SYNJ2: variants seen among roughly 807,000 people sequenced by gnomAD.
The protein encoded by SYNJ2 is synaptojanin 2, also known as polyphosphatidylinositol phosphatase SYNJ2.
In SYNJ2, 116 loss-of-function variants were observed where a neutral mutation model predicts 141.3. That is an observed-to-expected ratio of 0.82 (90% CI 0.71 to 0.96). SYNJ2 has a LOEUF of 0.96. Among genes scored for constraint, SYNJ2 ranks in the 40% least tolerant of loss-of-function variants. SYNJ2 has a pLI of 0.00. For missense variants in SYNJ2, 1,873 were observed against 1,934.8 expected, an observed-to-expected ratio of 0.97 and a Z score of 0.60; for synonymous variants, 745 against 777.7, an observed-to-expected ratio of 0.96 and a Z score of 0.70.
Position 158,017,305 on chromosome 6 carries a change from G to T in SYNJ2, c.214+15G>T. 6.2e-7 allele frequency: 1 copy of T among 1,606,456 alleles called. No individual in the cohort carries two copies. Among genetic ancestry groups the T allele is most frequent in the Non-Finnish European group, 8.5e-7 (1 of 1,177,130 alleles). On this transcript the variant is annotated intron_variant, in intron 2 of 26. Transcript: ENST00000355585. The stretch of plus-strand genomic sequence containing the variant: ...GCTGAAATCTGGTGAGTAGCCGCTC[G>T]CTGGAGGAGCAGGCGCCAGGCTCCC...
chr6:158,088,879 C>A lies in SYNJ2; in HGVS notation c.3456+107C>A. The A allele has an allele frequency of 3.8e-6, 3 of 780,874 alleles. 1 individual carries two copies. In the South Asian group the frequency reaches 4.9e-5, roughly 13 times the overall value. The allele number at this position is 780,874 out of a possible 1,614,324, so 48.4% of individuals were successfully genotyped here. On this transcript the variant is annotated intron_variant, in intron 24 of 26. Coordinates refer to ENST00000355585, the MANE Select transcript of SYNJ2 (RefSeq NM_003898.4). ...GATTTATGTGTCTTTAACCCTCTAC[C>A]TGCTCACCATCTCATCTCCAAACCC...
At chr6:158,036,784 T>G (rs538965064) in intron 4 of SYNJ2, among the ~76,000 whole-genome samples, 1 of 152,320 alleles carries the variant, frequency 6.6e-6, no homozygotes, top group African/African-American at 2.4e-5. Context: ...AAATAAAAGT[T>G]AAATTTTGAA....
Position 158,095,886 on chromosome 6 carries a change from A to G in SYNJ2, c.4013A>G (p.Lys1338Arg), listed in dbSNP as rs1190703178. The G allele has an allele frequency of 6.2e-7, 1 of 1,614,148 alleles. No individual in the cohort carries two copies. Among genetic ancestry groups the G allele is most frequent in the East Asian group, 2.2e-5 (1 of 44,876 alleles). ...CCCAAGGTACCCCCGAGGAGGAAGA[A>G]GTCAGCCCCCGCAGCCTTCCACCTG... Reference protein sequence around the residue: ...LVPKVPPRRKKSAPAAFHLQV... With the variant: ...LVPKVPPRRKRSAPAAFHLQV... The change falls in exon 27 of 27, where the codon AAG (lysine) becomes AGG (arginine). Residue 1338 changes from lysine to arginine, a missense_variant. Transcript: ENST00000355585.
chr6:158,062,188 C>T lies in SYNJ2; in HGVS notation c.1127+24C>T, dbSNP rs370393074. On this transcript the variant is annotated intron_variant, in intron 8 of 26. Coordinates refer to ENST00000355585, the MANE Select transcript of SYNJ2 (RefSeq NM_003898.4). ...CGGTGAGGCTCGCTGCGCACTGTGC[C>T]GCGTCTTCTGCTGGGGGGAAGCGTC... 67 of 1,603,914 alleles carry T rather than the reference C, an allele frequency of 4.2e-5. No homozygotes were observed. In the Admixed American group the frequency reaches 4.7e-4, roughly 11 times the overall value.
intron 5 of SYNJ2, among the ~76,000 whole-genome samples, chr6:158,047,468 G>A (rs1780301887): frequency 6.6e-6 from 1 of 152,056 alleles, no homozygotes. Flanking sequence ...GTTCTAGAGA[G>A]GATTAAAGAG....
chr6:158,068,861 G>A, intron 13 of SYNJ2, 133 bp downstream of exon 13: 2 of 902,888 alleles, frequency 2.2e-6, no homozygotes, highest in Non-Finnish European at 3.5e-6. Context: ...GCTGTGTGGG[G>A]ATCTCTCACC....
At position 158,065,170 on chromosome 6, in the gene SYNJ2, C is replaced by G. The variant is rs56959644; in HGVS notation, c.1525+179C>G. Among the ~76,000 whole-genome samples the G allele has an allele frequency of 1.3e-3, 204 of 152,326 alleles. 5 individuals carry two copies. The East Asian group carries it at 0.033, about 25-fold the overall frequency. On this transcript the variant is annotated intron_variant, in intron 11 of 26. Coordinates refer to ENST00000355585, the MANE Select transcript of SYNJ2 (RefSeq NM_003898.4). Reference sequence around the variant, plus strand: ...GGGAGCCTGCGCTTTCCTGCTGGGCCTGGGAGCTCACGCTTCCTCTGTCTC... The same window carrying G: ...GGGAGCCTGCGCTTTCCTGCTGGGCGTGGGAGCTCACGCTTCCTCTGTCTC...
intron 1 of SYNJ2, among the ~76,000 whole-genome samples, chr6:158,009,101 C>T (rs771144957): frequency 1.6e-4 from 24 of 152,208 alleles, no homozygotes; most frequent in African/African-American, 3.9e-4. Flanking sequence ...CCTTCAGGTC[C>T]GCATTCAGAT....
intron 1 of SYNJ2, among the ~76,000 whole-genome samples, chr6:157,996,807 A>G (rs776919986): frequency 1.3e-5 from 2 of 152,138 alleles, no homozygotes; most frequent in African/African-American, 2.4e-5. Flanking sequence ...TAAGTTGCCT[A>G]TTCCCACTTT....
intron 3 of SYNJ2, among the ~76,000 whole-genome samples, chr6:158,031,619 C>CAT (rs1373947737): frequency 8.1e-6 from 1 of 123,840 alleles, no homozygotes; most frequent in African/African-American, 3.3e-5. Flanking sequence ...TGTGGCGCAG[C>CAT]GTGAGGTCTG....
At chr6:158,063,934 G>A in intron 9 of SYNJ2, 62 bp downstream of exon 9, 1 of 1,565,898 alleles carries the variant, frequency 6.4e-7, no homozygotes, top group Non-Finnish European at 8.8e-7. Flanking sequence ...CAGCTGGACA[G>A]GCTGGGCTGA....
rs760105348 is a variant in SYNJ2, at chr6:158,066,638, G to A, written c.1717+3G>A. The A allele has an allele frequency of 5.0e-5, 80 of 1,612,852 alleles. No homozygotes were observed. Among genetic ancestry groups the A allele is most frequent in the Non-Finnish European group, 6.6e-5 (78 of 1,179,922 alleles). On this transcript the variant is annotated splice_donor_region_variant and intron_variant, in intron 12 of 26. Coordinates refer to ENST00000355585, the MANE Select transcript of SYNJ2 (RefSeq NM_003898.4). ...CTCGGGAGCTACCGACTCCCAGGGT[G>A]AGGGCAGTGACTTTGGGGGAGACAA...
chr6:158,026,930 C>G (rs1344444869), intron 2 of SYNJ2: 1 of 985,276 alleles, frequency 1.0e-6, no homozygotes, highest in East Asian at 1.1e-4. Flanking sequence ...GAACTCTGAC[C>G]CCTGTCCCTG....
At chr6:158,091,689 G>A (rs1177382947) in intron 25 of SYNJ2, among the ~76,000 whole-genome samples, 1 of 150,988 alleles carries the variant, frequency 6.6e-6, no homozygotes, top group Admixed American at 6.6e-5. Flanking sequence ...GGCAGAGGTT[G>A]CAGTGAGCCA....
In SYNJ2 at chr6:158,095,976, C is replaced by G. The variant is rs750264504; in HGVS notation, c.4103C>G (p.Ser1368Cys). 8 of 1,614,084 alleles carry G rather than the reference C, an allele frequency of 5.0e-6. No homozygotes were observed. The South Asian group carries it at 8.8e-5, about 18-fold the overall frequency. ...ACTTACAATAGCAGTGACAGCCCCT[C>G]TGGGCACCCACCTGCCGCGGGCACC... ...GLTYNSSDSP[S>C]GHPPAAGTVF... The change falls in exon 27 of 27, where the codon TCT becomes TGT. Residue 1368 changes from serine to cysteine, a missense_variant. Ser to Cys is a moderately radical substitution (Grantham distance 112). Transcript: ENST00000355585.
chr6:158,068,549 G>C, intron 12 of SYNJ2, 98 bp from the exon 13 acceptor site: 1 of 1,337,730 alleles, frequency 7.5e-7, no homozygotes, highest in Admixed American at 1.8e-5. Context: ...TCAGGCAGTG[G>C]ACAGCATGAC....
intron 2 of SYNJ2, chr6:158,026,858 T>C: frequency 1.0e-6 from 1 of 985,450 alleles, no homozygotes; most frequent in Non-Finnish European, 1.2e-6. Context: ...GAGCGCTCTG[T>C]GGCCAAGGCT....
rs1783907202 is a variant in SYNJ2, at chr6:158,098,641, T to C, written c.*2277T>C. ...CAGCAGCAGGGTTGATTAAATAATCTTGACAATGAGCAGCTGCCATCTTGG... is the reference window on the plus strand; with the variant it reads ...CAGCAGCAGGGTTGATTAAATAATCCTGACAATGAGCAGCTGCCATCTTGG... On this transcript the variant is annotated 3_prime_UTR_variant, in exon 27 of 27. Transcript: ENST00000355585. The C allele has an allele frequency of 6.6e-6, 1 of 152,230 alleles. No individual in the cohort carries two copies. 9.4% of individuals were successfully genotyped at this position (152,230 alleles called of 1,614,324 possible).
chr6:158,073,952 C>G (rs1782105946), intron 15 of SYNJ2, among the ~76,000 whole-genome samples: 1 of 150,612 alleles, frequency 6.6e-6, no homozygotes, highest in Non-Finnish European at 1.5e-5. Flanking sequence ...CTTTGTGCAC[C>G]TGGAACAGAG....
Sources: gnomAD v4.1 joint callset for allele counts (sites outside exome capture counted in the v4.1 genomes callset) on GRCh38, gnomAD v4.1.1 for gene constraint, MANE v1.5 for transcripts, NCBI Gene and HGNC (gene_info 2026-07-23, HGNC 2026-07-21) for gene names.